Variants in DENND1A observed in about 807,000 individuals in gnomAD.
DENND1A encodes DENN domain-containing protein 1A.
DENND1A carries 51 observed loss-of-function variants against 113.7 expected under a neutral mutation model. The ratio of observed to expected loss-of-function variants is 0.45; its 90% CI spans 0.36 to 0.57. The LOEUF is 0.57. DENND1A is among the 20% of genes least tolerant of loss of function. The pLI is 0.00. For synonymous variants in DENND1A, 565 were observed against 570.8 expected (o/e 0.99, Z 0.14); for missense variants, 1,258 against 1,395.9 (o/e 0.90, Z 1.57).
At chr9:123,550,007 T>C (rs1487673725) in intron 13 of DENND1A, among the ~76,000 whole-genome samples, 2 of 152,176 alleles carry the variant, frequency 1.3e-5, no homozygotes, top group East Asian at 1.9e-4. Context: ...GACACAGATA[T>C]ATGTGGTGTT....
At chr9:123,795,278 A>G (rs1833595173) in intron 2 of DENND1A, among the ~76,000 whole-genome samples, 1 of 152,252 alleles carries the variant, frequency 6.6e-6, no homozygotes, top group African/African-American at 2.4e-5. Context: ...TGGAAAGATT[A>G]ACACAAAAAC....
intron 2 of DENND1A, among the ~76,000 whole-genome samples, chr9:123,798,725 CAAAAAAAAAAAAAAA>C (rs59256751): frequency 1.4e-5 from 1 of 70,046 alleles, no homozygotes; most frequent in Non-Finnish European, 3.2e-5. Context: ...GTGCTGGAGG[CAAAAAAAAAAAAAAA>C]AAAAAAAAAT....
In DENND1A at chr9:123,381,977, G is replaced by A. The variant is rs764981032; in HGVS notation, c.2668C>T (p.Pro890Ser). 6.1e-6 allele frequency: 9 copies of A among 1,474,940 alleles called. No homozygotes were observed. In the African/African-American group the frequency reaches 1.1e-4, roughly 18 times the overall value. 91.4% of individuals were successfully genotyped at this position (1,474,940 alleles called of 1,614,324 possible). The change falls in exon 24 of 24, where the codon CCA (proline) becomes TCA (serine). Residue 890 changes from proline to serine, a missense_variant. Transcript: ENST00000394215. This position sits in a 1 kb window ranked among gnomAD's most constrained non-coding sequence, Gnocchi z 4.7. The stretch of plus-strand genomic sequence containing the variant: ...GATGGGACAAAGGGGTTGAGTGGTG[G>A]CTGTGGGAATGGGGTGGGTGTCCCT... ...PAGTPTPFPQPPLNPFVPSMP... is the reference protein window; with the variant it reads ...PAGTPTPFPQSPLNPFVPSMP...
At chr9:123,527,730 G>C (rs2054961991) in intron 13 of DENND1A, among the ~76,000 whole-genome samples, 1 of 152,060 alleles carries the variant, frequency 6.6e-6, no homozygotes, top group African/African-American at 2.4e-5. Context: ...CATCAACCCA[G>C]TGCCCAATGT....
At chr9:123,644,392 A>AC (rs910291886) in intron 9 of DENND1A, among the ~76,000 whole-genome samples, 10 of 148,794 alleles carry the variant, frequency 6.7e-5, no homozygotes, top group Admixed American at 2.6e-4. Flanking sequence ...AAAAAAAAAA[A>AC]AAAAAAAAAA....
intron 19 of DENND1A, among the ~76,000 whole-genome samples, chr9:123,419,509 G>C (rs1244313790): frequency 6.6e-6 from 1 of 152,252 alleles, no homozygotes; most frequent in Non-Finnish European, 1.5e-5. Flanking sequence ...GTTTAATGAG[G>C]AGAGTGTTCA....
At chr9:123,857,495 G>C (rs1475559881) in intron 2 of DENND1A, among the ~76,000 whole-genome samples, 1 of 152,146 alleles carries the variant, frequency 6.6e-6, no homozygotes, top group Non-Finnish European at 1.5e-5. Context: ...TAAGTAAGGA[G>C]GAACTTTTCA....
chr9:123,616,593 C>A (rs1340194551), intron 10 of DENND1A, among the ~76,000 whole-genome samples: 2 of 152,118 alleles, frequency 1.3e-5, no homozygotes, highest in South Asian at 4.1e-4. Flanking sequence ...GAAGCTGTGG[C>A]AAGGTTAGTG....
At chr9:123,862,520 T>A (rs1344489646) in intron 2 of DENND1A, among the ~76,000 whole-genome samples, 1 of 152,224 alleles carries the variant, frequency 6.6e-6, no homozygotes, top group Non-Finnish European at 1.5e-5. Context: ...AAATGTGGCT[T>A]TTTAAAAAGT....
chr9:123,661,428 G>A (rs1195039636), intron 8 of DENND1A, among the ~76,000 whole-genome samples: 1 of 152,220 alleles, frequency 6.6e-6, no homozygotes, highest in Admixed American at 6.5e-5. Context: ...ATGCTGACAT[G>A]TCATAACCTA....
At chr9:123,639,786 A>C (rs149133138) in intron 9 of DENND1A, among the ~76,000 whole-genome samples, 22,147 of 151,446 alleles carry the variant, frequency 0.15, 2,030 homozygotes, top group Middle Eastern at 0.19. Flanking sequence ...TCAAAAAAAA[A>C]AAAAAAAAAA....
Position 123,602,429 on chromosome 9 carries a change from T to A in DENND1A, c.765+7007A>T, listed in dbSNP as rs79688829. Among the ~76,000 whole-genome samples, 799 of 152,332 alleles carry A rather than the reference T, an allele frequency of 5.2e-3. 7 individuals are homozygous for A. Among genetic ancestry groups the A allele is most frequent in the African/African-American group, 0.018 (759 of 41,570 alleles). ...AATCTGTGGACATGGAACCTGTGGA[T>A]GCAGAGCGCCAATTGTATGTTACCT... On this transcript the variant is annotated intron_variant, in intron 11 of 23. Coordinates refer to ENST00000394215, the MANE Select transcript of DENND1A (RefSeq NM_001352964.2).
At chr9:123,688,694 C>G (rs1020276697) in intron 5 of DENND1A, among the ~76,000 whole-genome samples, 2 of 152,126 alleles carry the variant, frequency 1.3e-5, no homozygotes, top group Non-Finnish European at 1.5e-5. Flanking sequence ...GCCCCAAACA[C>G]GAGGAGGCTG....
At chr9:123,651,617 T>C (rs1374446379) in intron 9 of DENND1A, among the ~76,000 whole-genome samples, 2 of 152,236 alleles carry the variant, frequency 1.3e-5, no homozygotes, top group African/African-American at 4.8e-5. Flanking sequence ...CCAAAAGATG[T>C]TCATTGCAGT....
chr9:123,889,604 T>A (rs1375101619), intron 1 of DENND1A, among the ~76,000 whole-genome samples: 1 of 152,052 alleles, frequency 6.6e-6, no homozygotes, highest in Admixed American at 6.6e-5. Flanking sequence ...AGAAAGAAAT[T>A]CTCATTTTAC....
chr9:123,607,496 C>G (rs1287978072), intron 11 of DENND1A, among the ~76,000 whole-genome samples: 1,265 of 72,684 alleles, frequency 0.017, 5 homozygotes, highest in Middle Eastern at 0.024. Context: ...GAGACACACA[C>G]ACACACACAC....
chr9:123,745,045 G>T (rs796406085), intron 5 of DENND1A, among the ~76,000 whole-genome samples: 8 of 152,160 alleles, frequency 5.3e-5, no homozygotes, highest in African/African-American at 1.7e-4. Context: ...CAAAGTGCAG[G>T]GATTACAGGC....
rs893064068 is a variant in DENND1A, at chr9:123,477,390, A to T, written c.994-19493T>A. Among the ~76,000 whole-genome samples, 9 of 145,170 alleles carry T rather than the reference A, an allele frequency of 6.2e-5. 1 individual carries two copies. Among genetic ancestry groups the T allele is most frequent in the South Asian group, 2.2e-4 (1 of 4,574 alleles). ...ACAGAGTGAGATCCCATCTCTATAA[A>T]TTTTTTTTTTTTTTTTAATTAGCTG... On this transcript the variant is annotated intron_variant, in intron 13 of 23. Transcript: ENST00000394215.
At chr9:123,708,410 T>C (rs2066369628) in intron 5 of DENND1A, among the ~76,000 whole-genome samples, 1 of 152,212 alleles carries the variant, frequency 6.6e-6, no homozygotes, top group Non-Finnish European at 1.5e-5. Context: ...CATATTTATA[T>C]GTTATTTTAA....
Sources: gnomAD v4.1 joint callset for allele counts (sites outside exome capture counted in the v4.1 genomes callset) on GRCh38, gnomAD v4.1.1 for gene constraint, Gnocchi (gnomAD v3.1) non-coding constraint, MANE v1.5 for transcripts, NCBI Gene and HGNC (gene_info 2026-07-23, HGNC 2026-07-21) for gene names.